The following CFAP20DC variants were observed in gnomAD, a reference collection of about 807,000 sequenced individuals.
The protein encoded by CFAP20DC is protein CFAP20DC.
CFAP20DC carries 84 observed loss-of-function variants against 101.7 expected under a neutral mutation model. The observed-to-expected ratio is 0.83, with a 90% CI of 0.69 to 0.99. CFAP20DC has a LOEUF of 0.99. Ranked by LOEUF, CFAP20DC falls within the 50% of genes least tolerant of loss-of-function variation. CFAP20DC has a pLI of 0.00. For missense variants in CFAP20DC, 1,007 were observed against 970.3 expected (o/e 1.04, Z -0.50); for synonymous variants, 359 against 351.2 (o/e 1.02, Z -0.25).
At chr3:58,807,918 T>C (rs190237369) in intron 14 of CFAP20DC, among the ~76,000 whole-genome samples, 2,463 of 152,192 alleles carry the variant, frequency 0.016, 135 homozygotes, top group Admixed American at 0.11. Flanking sequence ...GTGAAGAATG[T>C]AGAAGCCTCA....
At chr3:58,816,249 C>A (rs1261619777) in intron 14 of CFAP20DC, among the ~76,000 whole-genome samples, 1 of 152,158 alleles carries the variant, frequency 6.6e-6, no homozygotes, top group Non-Finnish European at 1.5e-5. Flanking sequence ...TCTCAGTAAA[C>A]TATCGCAAGA....
intron 15 of CFAP20DC, among the ~76,000 whole-genome samples, chr3:58,765,516 AAC>A (rs959473570): frequency 6.6e-6 from 1 of 151,442 alleles, no homozygotes; most frequent in African/African-American, 2.4e-5. Context: ...AACAAACAGA[AAC>A]ACAAAACATG....
At chr3:58,762,251 T>A (rs1435368674) in intron 15 of CFAP20DC, among the ~76,000 whole-genome samples, 1 of 152,340 alleles carries the variant, frequency 6.6e-6, no homozygotes, top group African/African-American at 2.4e-5. Context: ...TTTAGGATAG[T>A]TAGCTCTTCT....
intron 4 of CFAP20DC, among the ~76,000 whole-genome samples, chr3:59,033,226 T>G (rs937023386): frequency 6.6e-6 from 1 of 151,854 alleles, no homozygotes; most frequent in Non-Finnish European, 1.5e-5. Context: ...GGTAGATAAA[T>G]CCACAAAGAT....
At chr3:59,041,094 C>T (rs1203294875) in intron 3 of CFAP20DC, among the ~76,000 whole-genome samples, 1 of 152,102 alleles carries the variant, frequency 6.6e-6, no homozygotes, top group East Asian at 1.9e-4. Flanking sequence ...TCTCTTGCAT[C>T]TTGCATTGAT....
chr3:58,856,055 G>C (rs993843393), intron 12 of CFAP20DC, among the ~76,000 whole-genome samples: 5 of 148,924 alleles, frequency 3.4e-5, no homozygotes, highest in African/African-American at 1.3e-4. Context: ...ATAAAGTAGA[G>C]ATTTTCCAGT....
At chr3:58,784,292 T>C (rs2072116071) in intron 15 of CFAP20DC, among the ~76,000 whole-genome samples, 1 of 152,062 alleles carries the variant, frequency 6.6e-6, no homozygotes, top group African/African-American at 2.4e-5. Flanking sequence ...TACTCCATCA[T>C]GTATATGTAC....
intron 3 of CFAP20DC, among the ~76,000 whole-genome samples, chr3:59,040,151 A>C (rs1576810022): frequency 6.6e-6 from 1 of 152,140 alleles, no homozygotes; most frequent in South Asian, 2.1e-4. Context: ...ATGTGTCCAC[A>C]ATGAGATGAA....
At chr3:58,985,493 C>T (rs2092720440) in intron 4 of CFAP20DC, among the ~76,000 whole-genome samples, 1 of 152,088 alleles carries the variant, frequency 6.6e-6, no homozygotes, top group Non-Finnish European at 1.5e-5. Flanking sequence ...ACTATCAATC[C>T]CTTGCCTACA....
intron 14 of CFAP20DC, among the ~76,000 whole-genome samples, chr3:58,831,044 T>C (rs2076360072): frequency 6.6e-6 from 1 of 152,226 alleles, no homozygotes; most frequent in Admixed American, 6.5e-5. Context: ...GTGTGGAAGC[T>C]TGGACCCAGG....
chr3:58,979,770 G>A (rs28601649), intron 4 of CFAP20DC, among the ~76,000 whole-genome samples: 1 of 151,530 alleles, frequency 6.6e-6, no homozygotes, highest in African/African-American at 2.4e-5. Flanking sequence ...CCCTAAAGAA[G>A]TGCCTTCACA....
At chr3:58,827,936 T>C (rs915165024) in intron 14 of CFAP20DC, among the ~76,000 whole-genome samples, 3 of 152,158 alleles carry the variant, frequency 2.0e-5, no homozygotes, top group Non-Finnish European at 4.4e-5. Context: ...TACTCCTGAC[T>C]CTTGTGGCAG....
At chr3:59,046,101 A>G in intron 3 of CFAP20DC, 128 bp downstream of exon 3, 1 of 679,234 alleles carries the variant, frequency 1.5e-6, no homozygotes, top group South Asian at 1.9e-5. Context: ...TCTAAATTAA[A>G]AAAAAAATTC....
At chr3:58,878,940 G>A (rs529727745) in intron 7 of CFAP20DC, among the ~76,000 whole-genome samples, 58 of 151,938 alleles carry the variant, frequency 3.8e-4, no homozygotes, top group African/African-American at 1.3e-3. Context: ...CCCGGGAGGC[G>A]GAGCTTGCAG....
intron 15 of CFAP20DC, among the ~76,000 whole-genome samples, chr3:58,766,138 G>A (rs2070291305): frequency 6.6e-6 from 1 of 152,110 alleles, no homozygotes; most frequent in African/African-American, 2.4e-5. Context: ...AAATGTGTTA[G>A]TTTTATGAGC....
chr3:58,955,275 C>A (rs80129304), intron 4 of CFAP20DC, among the ~76,000 whole-genome samples: 2,715 of 152,134 alleles, frequency 0.018, 67 homozygotes, highest in African/African-American at 0.061. Flanking sequence ...ACTCACAGTA[C>A]CTGGTTTTAA....
intron 4 of CFAP20DC, among the ~76,000 whole-genome samples, chr3:59,024,721 C>T (rs926427681): frequency 2.6e-5 from 4 of 152,112 alleles, no homozygotes; most frequent in Non-Finnish European, 5.9e-5. Context: ...CTTATCAAAG[C>T]CAAATGCCAA....
intron 5 of CFAP20DC, among the ~76,000 whole-genome samples, chr3:58,928,731 T>C (rs946686131): frequency 6.6e-6 from 1 of 152,184 alleles, no homozygotes; most frequent in Non-Finnish European, 1.5e-5. Context: ...TTTCTTATTG[T>C]TTAGACTGCT....
intron 1 of CFAP20DC, among the ~76,000 whole-genome samples, chr3:59,047,939 A>C (rs1438732990): frequency 1.3e-5 from 2 of 152,250 alleles, no homozygotes; most frequent in African/African-American, 4.8e-5. Context: ...TATTTTGAGC[A>C]TTCCTACAAG....
Sources: gnomAD v4.1 joint callset for allele counts (sites outside exome capture counted in the v4.1 genomes callset) on GRCh38, gnomAD v4.1.1 for gene constraint, MANE v1.5 for transcripts, NCBI Gene and HGNC (gene_info 2026-07-23, HGNC 2026-07-21) for gene names.